The following TMEM71 variants were observed in gnomAD, a reference collection of about 807,000 sequenced individuals.
The protein encoded by TMEM71 is transmembrane protein 71.
TMEM71 carries 44 observed loss-of-function variants against 38.0 expected under a neutral mutation model. That is an observed-to-expected ratio of 1.16 (90% CI 0.91 to 1.49). The LOEUF is 1.49. Among genes scored for constraint, TMEM71 ranks in the 40% most tolerant of loss-of-function variants. The pLI, the probability that TMEM71 is intolerant of heterozygous loss-of-function variation, is 0.00. For synonymous variants in TMEM71, 133 were observed against 122.5 expected (o/e 1.09, Z -0.56); for missense variants, 367 against 348.6 (o/e 1.05, Z -0.42).
intron 5 of TMEM71, among the ~76,000 whole-genome samples, chr8:132,728,459 C>G (rs1827275449): frequency 6.6e-6 from 1 of 152,186 alleles, no homozygotes; most frequent in Non-Finnish European, 1.5e-5. Flanking sequence ...ACCCTCCCAC[C>G]AGATCCCTCT....
At position 132,710,660 on chromosome 8, in the gene TMEM71, C is replaced by T. The variant is rs1424974854; in HGVS notation, c.*307G>A. On this transcript the variant is annotated 3_prime_UTR_variant, in exon 10 of 10. Transcript: ENST00000677595. ...AAAATTCAAGCTCGAGAACCACTGC[C>T]TTAAAGAATCATAGGGGGACATTTA... 1.1e-5 allele frequency: 6 copies of T among 524,822 alleles called. No individual in the cohort carries two copies. The highest frequency in any genetic ancestry group is 2.0e-5 in the Non-Finnish European group (6 of 302,968). 32.5% of individuals were successfully genotyped at this position (524,822 alleles called of 1,614,324 possible).
chr8:132,733,367 A>G (rs1827567039), intron 5 of TMEM71, among the ~76,000 whole-genome samples: 1 of 152,194 alleles, frequency 6.6e-6, no homozygotes, highest in African/African-American at 2.4e-5. Context: ...TAGGCCTGTT[A>G]TAACAGGGTA....
chr8:132,744,388 C>A (rs1414811536), intron 5 of TMEM71, among the ~76,000 whole-genome samples: 1 of 152,044 alleles, frequency 6.6e-6, no homozygotes, highest in Non-Finnish European at 1.5e-5. Flanking sequence ...TGTACACTGA[C>A]AACATTCAAG....
At chr8:132,733,420 G>A (rs906457816) in intron 5 of TMEM71, among the ~76,000 whole-genome samples, 30 of 152,194 alleles carry the variant, frequency 2.0e-4, no homozygotes, top group African/African-American at 5.3e-4. Context: ...CCACCACGGA[G>A]GCTAAGTTTG....
In TMEM71 at chr8:132,735,709, G is replaced by A. The variant is rs183397503; in HGVS notation, c.488-7723C>T. Among the ~76,000 whole-genome samples the A allele has an allele frequency of 1.7e-4, 26 of 152,282 alleles. No homozygotes were observed. In the East Asian group the frequency reaches 1.7e-3, roughly 10 times the overall value. On this transcript the variant is annotated intron_variant, in intron 5 of 9. Transcript: ENST00000677595. ...TTTGGACATATTTCAAAGAGACAAC[G>A]AAGGAAAAATTAGATGTTAATTTCT... is the stretch of plus-strand genomic sequence containing the variant.
At chr8:132,765,311 G>A (rs942962122), upstream of TMEM71, among the ~76,000 whole-genome samples, 1 of 152,180 alleles carries the variant, frequency 6.6e-6, no homozygotes, top group African/African-American at 2.4e-5. Context: ...GCTCATGCAC[G>A]TTTCCACAGA....
intron 9 of TMEM71, among the ~76,000 whole-genome samples, chr8:132,713,331 A>G (rs191098032): frequency 2.6e-5 from 4 of 152,236 alleles, no homozygotes; most frequent in Non-Finnish European, 4.4e-5. Flanking sequence ...CCTAACCAAA[A>G]TAAATTTTCA....
At chr8:132,774,738 C>T in the TMEM71 span, among the ~76,000 whole-genome samples, 3 of 152,250 alleles carry the variant, frequency 2.0e-5, no homozygotes, top group Admixed American at 2.0e-4. Context: ...TCGATAAAAG[C>T]AGTTCTGCTA....
chr8:132,718,752 G>A (rs1173353183), intron 7 of TMEM71, among the ~76,000 whole-genome samples: 1 of 152,208 alleles, frequency 6.6e-6, no homozygotes, highest in African/African-American at 2.4e-5. Context: ...CAATGATGGA[G>A]CATGTCTGCT....
upstream of TMEM71, among the ~76,000 whole-genome samples, chr8:132,762,536 T>C (rs538221983): frequency 6.6e-6 from 1 of 152,292 alleles, no homozygotes; most frequent in East Asian, 1.9e-4. Context: ...ATGATCATAA[T>C]AATTGCTAAC....
In TMEM71 at chr8:132,720,156, A is replaced by T. The variant is rs145863166; in HGVS notation, c.752+1884T>A. 7.9e-5 allele frequency among the ~76,000 whole-genome samples: 12 copies of T among 152,250 alleles called. No homozygotes were observed. The East Asian group carries it at 2.3e-3, about 29-fold the overall frequency. On this transcript the variant is annotated intron_variant, in intron 7 of 9. Transcript: ENST00000677595. ...CAATCAGTGTAACTTATCTCTGTTG[A>T]TGCTGACTTGTTCACTTGCAGCAGT...
chr8:132,742,926 C>T (rs1217998113), intron 5 of TMEM71, among the ~76,000 whole-genome samples: 1 of 152,168 alleles, frequency 6.6e-6, no homozygotes, highest in Admixed American at 6.5e-5. Flanking sequence ...GATCAAATCA[C>T]GTCTTACATG....
chr8:132,760,345 A>C (rs1307351496), intron 1 of TMEM71, 131 bp downstream of exon 1: 1 of 152,238 alleles, frequency 6.6e-6, no homozygotes, highest in Non-Finnish European at 1.5e-5. Flanking sequence ...CAAAGGACAA[A>C]ATTATTACTG....
At chr8:132,722,186 T>A in intron 6 of TMEM71, 71 bp from the exon 7 acceptor site, 2 of 1,188,704 alleles carry the variant, frequency 1.7e-6, no homozygotes, top group Non-Finnish European at 2.5e-6. Flanking sequence ...GAAAAAATCA[T>A]CTCAAACTTC....
At chr8:132,726,854 C>CTT (rs138185825) in intron 6 of TMEM71, among the ~76,000 whole-genome samples, 4 of 139,982 alleles carry the variant, frequency 2.9e-5, no homozygotes, top group African/African-American at 5.3e-5. Flanking sequence ...TCTTCTTCTT[C>CTT]TTTTTTTTTT....
Position 132,731,531 on chromosome 8 carries a change from G to A in TMEM71, c.488-3545C>T, listed in dbSNP as rs183924250. On this transcript the variant is annotated intron_variant, in intron 5 of 9. Coordinates refer to ENST00000677595, the MANE Select transcript of TMEM71 (RefSeq NM_001382403.1). Reference sequence around the variant, plus strand: ...TCCCATATGGCTGCTTACTTGCCCCGACTTCACCATAGGACAGGGTCCTCT... The same window carrying A: ...TCCCATATGGCTGCTTACTTGCCCCAACTTCACCATAGGACAGGGTCCTCT... 8.8e-4 allele frequency among the ~76,000 whole-genome samples: 134 copies of A among 152,204 alleles called. No homozygotes were observed. The Middle Eastern group carries it at 0.01, about 12-fold the overall frequency.
chr8:132,759,122 C>T (rs550320219), intron 1 of TMEM71, among the ~76,000 whole-genome samples: 1 of 152,298 alleles, frequency 6.6e-6, no homozygotes, highest in South Asian at 2.1e-4. Flanking sequence ...CATTGCCTCA[C>T]TCAGTGCATC....
downstream of TMEM71, among the ~76,000 whole-genome samples, chr8:132,709,234 T>C (rs1241424963): frequency 2.0e-5 from 3 of 152,244 alleles, no homozygotes; most frequent in East Asian, 5.8e-4. Context: ...CATATGCATT[T>C]AGTTCTCCAT....
At chr8:132,769,588 T>C in the TMEM71 span, among the ~76,000 whole-genome samples, 31 of 152,290 alleles carry the variant, frequency 2.0e-4, no homozygotes, top group South Asian at 6.4e-3. Flanking sequence ...TAAGTAACTA[T>C]GTAATGAAGG....
Sources: allele counts gnomAD v4.1 joint callset (sites outside exome capture counted in the v4.1 genomes callset), GRCh38; gene constraint gnomAD v4.1.1; transcripts MANE v1.5; gene names NCBI Gene and HGNC (gene_info 2026-07-23, HGNC 2026-07-21).